WRN: variants seen among roughly 807,000 people sequenced by gnomAD.
WRN encodes WRN RecQ like helicase.
A neutral mutation model predicts 180.7 loss-of-function variants in WRN; 149 were observed. The ratio of observed to expected loss-of-function variants is 0.82; its 90% CI spans 0.72 to 0.94. The LOEUF (loss-of-function observed/expected upper bound fraction) is 0.94, where lower values mean the gene tolerates loss of function less well. Among genes scored for constraint, WRN ranks in the 40% least tolerant of loss-of-function variants. WRN has a pLI of 0.00. For synonymous variants in WRN, 548 were observed against 568.9 expected (o/e 0.96, Z 0.52); for missense variants, 1,661 against 1,700.1 (o/e 0.98, Z 0.40).
intron 34 of WRN, among the ~76,000 whole-genome samples, chr8:31,167,477 C>A (rs1803946699): frequency 6.6e-6 from 1 of 152,022 alleles, no homozygotes; most frequent in Non-Finnish European, 1.5e-5. Context: ...TTTACCTGTA[C>A]CTCATATTGA....
chr8:31,043,125 C>G (rs1344958090), intron 1 of WRN, among the ~76,000 whole-genome samples: 2 of 152,216 alleles, frequency 1.3e-5, no homozygotes, highest in Non-Finnish European at 2.9e-5. Context: ...GACTATTTTT[C>G]TGGCCTTATT....
intron 7 of WRN, among the ~76,000 whole-genome samples, chr8:31,073,923 T>C (rs1347431234): frequency 7.0e-6 from 1 of 141,858 alleles, no homozygotes. Context: ...CTTTTCTTTC[T>C]TTTTTTTTTT....
chr8:31,070,262 A>G (rs150018704), intron 7 of WRN, among the ~76,000 whole-genome samples: 7 of 151,656 alleles, frequency 4.6e-5, no homozygotes, highest in Non-Finnish European at 1.0e-4. Flanking sequence ...CAGAAGTATC[A>G]GCATCACTGT....
At chr8:31,105,581 C>T (rs770156039) in intron 18 of WRN, among the ~76,000 whole-genome samples, 2 of 152,170 alleles carry the variant, frequency 1.3e-5, no homozygotes, top group African/African-American at 4.8e-5. Flanking sequence ...TCTGCTCAGC[C>T]TCCCCAGTAG....
At position 31,114,893 on chromosome 8, in the gene WRN, G is replaced by GATTTTTTTTTTTTTTT. The variant is rs764937166; in HGVS notation, c.2274-1461_2274-1460insATTTTTTTTTTTTTTT. Among the ~76,000 whole-genome samples, 2 of 136,174 alleles carry GATTTTTTTTTTTTTTT rather than the reference G, an allele frequency of 1.5e-5. 1 individual carries two copies. The allele number at this position is 136,174 out of a possible 152,430, so 89.3% of individuals were successfully genotyped here. On this transcript the variant is annotated intron_variant, in intron 19 of 34. Coordinates refer to ENST00000298139, the MANE Select transcript of WRN (RefSeq NM_000553.6). ...CTTTGAAAACATGTTTTTAAAATAA[G>GATTTTTTTTTTTTTTT]GTTTTTTTTTTTTTTTTTTTGACAT...
At position 31,173,613 on chromosome 8, in the gene WRN, C is replaced by T. The variant is rs11574413; in HGVS notation, c.*511C>T. ...TTGACCAGGGCAGTGAAAATGAAAC[C>T]GCATTTTGGGTGCCATTAAATAGGG... On this transcript the variant is annotated 3_prime_UTR_variant, in exon 35 of 35. Transcript: ENST00000298139. 7 of 171,952 alleles carry T rather than the reference C, an allele frequency of 4.1e-5. No homozygotes were observed. Among genetic ancestry groups the T allele is most frequent in the Admixed American group, 6.4e-5 (1 of 15,724 alleles). 10.7% of individuals were successfully genotyped at this position (171,952 alleles called of 1,614,324 possible).
Position 31,147,080 on chromosome 8 carries a change from T to A in WRN, c.3411T>A (p.Ala1137=). 1 of 1,613,810 alleles carries A rather than the reference T, an allele frequency of 6.2e-7. No homozygotes were observed. Among genetic ancestry groups the A allele is most frequent in the Non-Finnish European group, 8.5e-7 (1 of 1,179,812 alleles). The change falls in exon 29 of 35, where the codon GCT becomes GCA. Residue 1137 remains alanine (A), a synonymous_variant. Coordinates refer to ENST00000298139, the MANE Select transcript of WRN (RefSeq NM_000553.6). ...KSIMVQSPEK[A]YSSSQPVISA... ...TCATGGTACAGTCACCAGAAAAAGC[T>A]TACAGTTCCTCACAGCCTGTTATTT...
chr8:31,057,279 C>T (rs1347046056), intron 1 of WRN, among the ~76,000 whole-genome samples: 1 of 152,022 alleles, frequency 6.6e-6, no homozygotes, highest in Non-Finnish European at 1.5e-5. Context: ...AAACTGCTAC[C>T]TCCTGGGCCG....
chr8:31,130,013 A>ACC (rs1423047961), intron 23 of WRN, among the ~76,000 whole-genome samples: 3 of 95,736 alleles, frequency 3.1e-5, no homozygotes, highest in East Asian at 9.8e-4. Context: ...TCAAAAAAAA[A>ACC]ACAAAACAAA....
At chr8:31,049,234 A>AAAAAAAAAAG (rs1811993955) in intron 1 of WRN, among the ~76,000 whole-genome samples, 1 of 149,778 alleles carries the variant, frequency 6.7e-6, no homozygotes, top group South Asian at 2.1e-4. Context: ...AAAAAAAAAA[A>AAAAAAAAAAG]AAAGAAAGAA....
In WRN at chr8:31,120,440, T is replaced by C. The variant is rs755052686; in HGVS notation, c.2630+16T>C. The C allele has an allele frequency of 6.2e-7, 1 of 1,607,324 alleles. No individual in the cohort carries two copies. The highest frequency in any genetic ancestry group is 8.5e-7 in the Non-Finnish European group (1 of 1,176,110). On this transcript the variant is annotated intron_variant, in intron 21 of 34. Coordinates refer to ENST00000298139, the MANE Select transcript of WRN (RefSeq NM_000553.6). ...ACTTAAATAGGTAAAAAAAATTTAT[T>C]GTTTTTACTCTTGCAGATTTCTTTC...
intron 1 of WRN, among the ~76,000 whole-genome samples, chr8:31,057,336 G>A (rs1812309155): frequency 6.6e-6 from 1 of 152,018 alleles, no homozygotes. Flanking sequence ...GGAGGCTGAG[G>A]TGGGCGATCG....
intron 27 of WRN, among the ~76,000 whole-genome samples, chr8:31,143,055 A>ACACAC (rs1554533109): frequency 1.0e-4 from 2 of 19,108 alleles, no homozygotes; most frequent in Non-Finnish European, 3.4e-4. Context: ...ACACACACAC[A>ACACAC]TTCTCTCTCT....
At chr8:31,097,318 A>T (rs1487658817) in intron 17 of WRN, among the ~76,000 whole-genome samples, 1 of 152,098 alleles carries the variant, frequency 6.6e-6, no homozygotes, top group Non-Finnish European at 1.5e-5. Flanking sequence ...AAACTTTAAA[A>T]AAAATGTAGG....
intron 33 of WRN, among the ~76,000 whole-genome samples, chr8:31,162,067 C>A (rs1386785373): frequency 6.6e-6 from 1 of 151,924 alleles, no homozygotes; most frequent in East Asian, 1.9e-4. Flanking sequence ...GCATATGTAC[C>A]CTTGAAACTA....
chr8:31,063,733 T>A (rs1812584379), intron 3 of WRN, among the ~76,000 whole-genome samples: 1 of 152,184 alleles, frequency 6.6e-6, no homozygotes, highest in Non-Finnish European at 1.5e-5. Context: ...TTTATTTTTG[T>A]TTTTCTTAGA....
intron 16 of WRN, among the ~76,000 whole-genome samples, chr8:31,092,883 G>A (rs954282575): frequency 1.3e-5 from 2 of 152,114 alleles, no homozygotes; most frequent in African/African-American, 4.8e-5. Flanking sequence ...TTCATTTGCT[G>A]TAATGTTTCT....
intron 17 of WRN, 35 bp downstream of exon 17, chr8:31,096,885 C>T: frequency 6.4e-7 from 1 of 1,573,586 alleles, no homozygotes; most frequent in Non-Finnish European, 8.7e-7. Flanking sequence ...TAAATACTTA[C>T]TGAGTTAATA....
chr8:31,131,199 C>T (rs2130371654), intron 23 of WRN, among the ~76,000 whole-genome samples: 1 of 119,978 alleles, frequency 8.3e-6, no homozygotes, highest in South Asian at 2.7e-4. Context: ...GTCACCCAGG[C>T]TGGAGTGTAG....
Sources: gnomAD v4.1 joint callset for allele counts (sites outside exome capture counted in the v4.1 genomes callset) on GRCh38, gnomAD v4.1.1 for gene constraint, MANE v1.5 for transcripts, NCBI Gene and HGNC (gene_info 2026-07-23, HGNC 2026-07-21) for gene names.